Variants in WDR43 observed in about 807,000 individuals in gnomAD.
WDR43 encodes the protein WD repeat-containing protein 43.
WDR43 carries 13 observed loss-of-function variants against 91.4 expected under a neutral mutation model. The ratio of observed to expected loss-of-function variants is 0.14; its 90% CI spans 0.09 to 0.23. WDR43 has a LOEUF of 0.23. Among genes scored for constraint, WDR43 ranks in the 10% least tolerant of loss-of-function variants. The probability of loss-of-function intolerance (pLI) is 1.00; values close to 1 mark genes in which losing one functional copy is unlikely to be tolerated. For synonymous variants in WDR43, 331 were observed against 287.9 expected (o/e 1.15, Z -1.51); for missense variants, 780 against 809.4 (o/e 0.96, Z 0.44).
At chr2:28,943,808 G>A (rs1412067279) in intron 16 of WDR43, among the ~76,000 whole-genome samples, 1 of 152,154 alleles carries the variant, frequency 6.6e-6, no homozygotes, top group African/African-American at 2.4e-5. Flanking sequence ...TGTGAGAAAT[G>A]GATAAATTTG....
chr2:28,914,170 C>T lies in WDR43; in HGVS notation c.708C>T (p.Phe236=). 1.9e-6 allele frequency: 3 copies of T among 1,613,864 alleles called. No homozygotes were observed. The highest frequency in any genetic ancestry group is 2.5e-6 in the Non-Finnish European group (3 of 1,179,858). ...TTGATGGAATTACAGGTCTTTATTT[C>T]TTATCTGGAGCAGTACATGACCGGT... ...QPFDGITGLY[F]LSGAVHDRLL... is the part of the protein sequence containing the mutation. The change falls in exon 5 of 18, where the codon TTC becomes TTT. Residue 236 remains phenylalanine, a synonymous_variant. Transcript: ENST00000407426.
intron 2 of WDR43, chr2:28,905,181 GCAAA>G (rs568076356): frequency 3.7e-4 from 57 of 152,286 alleles, no homozygotes; most frequent in African/African-American, 1.3e-3. Flanking sequence ...TTGGCACTGA[GCAAA>G]CTAATTCAGA....
intron 7 of WDR43, among the ~76,000 whole-genome samples, chr2:28,923,890 G>A (rs1671081696): frequency 6.6e-6 from 1 of 152,262 alleles, no homozygotes; most frequent in East Asian, 1.9e-4. Context: ...AGGATTTCAA[G>A]CAGAGGATTC....
chr2:28,946,711 A>G lies in WDR43; in HGVS notation c.1966A>G (p.Thr656Ala), dbSNP rs777961346. The part of the protein sequence containing the change: ...KDEENGEDRD[T>A]ASEKELNGDS... ...TGAAGAAAATGGCGAGGACAGAGAT[A>G]CAGCAAGTGAAAAAGAATTAAATGG... The change falls in exon 18 of 18, where the codon ACA becomes GCA. Residue 656 changes from threonine to alanine, a missense_variant. Thr to Ala is a moderately conservative substitution (Grantham distance 58, BLOSUM62 0). Coordinates refer to ENST00000407426, the MANE Select transcript of WDR43 (RefSeq NM_015131.3). 9 of 1,582,170 alleles carry G rather than the reference A, an allele frequency of 5.7e-6. No individual in the cohort carries two copies. In the African/African-American group the frequency reaches 9.4e-5, roughly 17 times the overall value.
chr2:28,920,976 C>T (rs547439439), intron 6 of WDR43, among the ~76,000 whole-genome samples: 1 of 151,276 alleles, frequency 6.6e-6, no homozygotes, highest in South Asian at 2.1e-4. Context: ...TGTGCCTGGG[C>T]AAGACTGAAT....
chr2:28,907,993 G>C (rs1384022727), intron 3 of WDR43, among the ~76,000 whole-genome samples: 2 of 152,196 alleles, frequency 1.3e-5, no homozygotes, highest in East Asian at 1.9e-4. Context: ...GCAATGTGTA[G>C]AGTTTAGGGG....
At chr2:28,920,603 T>C (rs1156555356) in intron 6 of WDR43, among the ~76,000 whole-genome samples, 1 of 152,158 alleles carries the variant, frequency 6.6e-6, no homozygotes, top group Non-Finnish European at 1.5e-5. Flanking sequence ...AAGTAATTTA[T>C]GGAAGAAAAA....
chr2:28,945,265 T>C (rs1051807335), intron 16 of WDR43, among the ~76,000 whole-genome samples: 3 of 152,252 alleles, frequency 2.0e-5, no homozygotes, highest in Non-Finnish European at 4.4e-5. Context: ...TCTGTATTAT[T>C]GGATAACATT....
chr2:28,929,518 T>TTTTG (rs1558380007), intron 10 of WDR43, 61 bp from the exon 11 acceptor site: 21 of 1,361,760 alleles, frequency 1.5e-5, no homozygotes, highest in Admixed American at 1.1e-4. Context: ...TTATTTTTTT[T>TTTTG]GTCTCCAAAC....
At chr2:28,941,685 C>T (rs1195690579) in intron 15 of WDR43, 111 bp downstream of exon 15, 14 of 793,076 alleles carry the variant, frequency 1.8e-5, no homozygotes, top group African/African-American at 5.1e-5. Flanking sequence ...GGCTGCACTG[C>T]GGTAGCATGA....
intron 13 of WDR43, among the ~76,000 whole-genome samples, 178 bp downstream of exon 13, chr2:28,937,131 G>C (rs887767667): frequency 6.6e-6 from 1 of 151,954 alleles, no homozygotes; most frequent in African/African-American, 2.4e-5. Flanking sequence ...GTTTTCTTTT[G>C]CAAAACTCCT....
intron 11 of WDR43, among the ~76,000 whole-genome samples, chr2:28,934,373 A>G (rs543235900): frequency 7.2e-5 from 11 of 152,200 alleles, no homozygotes; most frequent in Non-Finnish European, 1.5e-4. Flanking sequence ...GGTAAAGAGT[A>G]TGTCAAACTG....
chr2:28,941,702 C>A, intron 15 of WDR43, 128 bp downstream of exon 15: 3 of 675,828 alleles, frequency 4.4e-6, no homozygotes, highest in Non-Finnish European at 7.5e-6. Context: ...ATGATCATAG[C>A]TCACTGCAGC....
intron 11 of WDR43, among the ~76,000 whole-genome samples, chr2:28,932,228 G>A (rs779558818): frequency 6.6e-6 from 1 of 151,908 alleles, no homozygotes; most frequent in Non-Finnish European, 1.5e-5. Flanking sequence ...CAGTGGTGCG[G>A]TCTCAGCTCA....
In WDR43 at chr2:28,925,022, A is replaced by G; in HGVS notation, c.955A>G (p.Ile319Val). 6.2e-7 allele frequency: 1 copy of G among 1,613,862 alleles called. No individual in the cohort carries two copies. The highest frequency in any genetic ancestry group is 8.5e-7 in the Non-Finnish European group (1 of 1,179,834). The change falls in exon 8 of 18, where the codon ATA becomes GTA. Residue 319 changes from isoleucine (I) to valine (V), a missense_variant. Transcript: ENST00000407426. The part of the protein sequence containing the change: ...KPLTSNCTIQ[I>V]ATPGKGKKST... ...TTTGACTTCAAACTGCACAATTCAG[A>G]TAGCAACACCTGGGAAAGGCAAGAA...
At chr2:28,908,711 C>T (rs190380120) in intron 3 of WDR43, among the ~76,000 whole-genome samples, 4 of 152,294 alleles carry the variant, frequency 2.6e-5, no homozygotes, top group Non-Finnish European at 2.9e-5. Flanking sequence ...CCAGCTTCAT[C>T]GTTAGCATTC....
rs1232746104 is a variant in WDR43 at position 28,942,320 on chromosome 2, A to G, written c.1743A>G (p.Ala581=). ...KLILLITQVT[A]SEKTKGATSP... ...ACTTTATCTTCTTCCAGGTAACAGC[A>G]TCAGAGAAGACAAAGGGAGCAACTT... The change falls in exon 16 of 18, where the codon GCA becomes GCG. Residue 581 remains alanine (A), a synonymous_variant. Coordinates refer to ENST00000407426, the MANE Select transcript of WDR43 (RefSeq NM_015131.3). 1 of 1,613,474 alleles carries G rather than the reference A, an allele frequency of 6.2e-7. No individual in the cohort carries two copies. The highest frequency in any genetic ancestry group is 8.5e-7 in the Non-Finnish European group (1 of 1,179,622).
chr2:28,935,449 GA>G, intron 11 of WDR43, 71 bp from the exon 12 acceptor site: 3 of 1,103,382 alleles, frequency 2.7e-6, no homozygotes, highest in Admixed American at 2.5e-5. Context: ...CATTTTTACA[GA>G]CTTTTTTTTT....
intron 3 of WDR43, 53 bp downstream of exon 3, chr2:28,906,634 A>G (rs1307786463): frequency 6.3e-7 from 1 of 1,575,736 alleles, no homozygotes; most frequent in Non-Finnish European, 8.6e-7. Flanking sequence ...TAAATGCTGG[A>G]CTTGTGGGGA....
Sources: gnomAD v4.1 joint callset for allele counts (sites outside exome capture counted in the v4.1 genomes callset) on GRCh38, gnomAD v4.1.1 for gene constraint, MANE v1.5 for transcripts, NCBI Gene and HGNC (gene_info 2026-07-23, HGNC 2026-07-21) for gene names.